The following GRIA1 variants were observed in gnomAD, a reference collection of about 807,000 sequenced individuals.
GRIA1 encodes the protein glutamate receptor 1.
Under a neutral mutation model 99.2 loss-of-function variants are expected in GRIA1, and 31 were observed. That is an observed-to-expected ratio of 0.31 (90% CI 0.23 to 0.42). The LOEUF is 0.42. GRIA1 is among the 10% of genes least tolerant of loss of function. The pLI is 1.00. For missense variants in GRIA1, 782 were observed against 1,157.5 expected, an observed-to-expected ratio of 0.68 and a Z score of 4.71; for synonymous variants, 438 against 432.4, an observed-to-expected ratio of 1.01 and a Z score of -0.16.
At chr5:153,690,249 G>A (rs2149502042) in intron 8 of GRIA1, among the ~76,000 whole-genome samples, 1 of 150,694 alleles carries the variant, frequency 6.6e-6, no homozygotes, top group South Asian at 2.1e-4. Flanking sequence ...GAAGTAAAAG[G>A]AATACAAATA....
At chr5:153,596,496 C>T (rs896797133) in intron 2 of GRIA1, among the ~76,000 whole-genome samples, 2 of 152,140 alleles carry the variant, frequency 1.3e-5, no homozygotes, top group African/African-American at 4.8e-5. Flanking sequence ...ACATAGAGCT[C>T]CATTTTGCAG....
At chr5:153,768,447 C>A (rs1334041244) in intron 12 of GRIA1, among the ~76,000 whole-genome samples, 1 of 152,146 alleles carries the variant, frequency 6.6e-6, no homozygotes, top group Admixed American at 6.5e-5. Flanking sequence ...AGACTGATAT[C>A]CAGGGCTCCT....
chr5:153,594,804 C>T (rs745885797), intron 2 of GRIA1, among the ~76,000 whole-genome samples: 6 of 151,754 alleles, frequency 4.0e-5, no homozygotes, highest in Non-Finnish European at 8.8e-5. Flanking sequence ...AGTCCACCCC[C>T]AGTCTTCTGC....
chr5:153,611,795 G>T (rs1766011185), intron 2 of GRIA1, among the ~76,000 whole-genome samples: 1 of 152,198 alleles, frequency 6.6e-6, no homozygotes, highest in South Asian at 2.1e-4. Context: ...TTCAGCCAAA[G>T]CTACGTGAGC....
intron 11 of GRIA1, among the ~76,000 whole-genome samples, chr5:153,727,554 C>G (rs1389928600): frequency 4.6e-5 from 7 of 152,164 alleles, no homozygotes; most frequent in Non-Finnish European, 1.0e-4. Context: ...GATACAAAAT[C>G]AATGTACAAA....
intron 2 of GRIA1, among the ~76,000 whole-genome samples, chr5:153,538,392 T>C (rs1321646635): frequency 6.6e-6 from 1 of 152,124 alleles, no homozygotes; most frequent in Non-Finnish European, 1.5e-5. Flanking sequence ...AAGGAAGCAA[T>C]GTGAAACAAA....
At position 153,705,693 on chromosome 5, in the gene GRIA1, T is replaced by TTTTTC. The variant is rs1554116390; in HGVS notation, c.1453-4_1453-3insTTTTC. The TTTTTC allele has an allele frequency of 3.8e-5, 42 of 1,101,474 alleles. 3 individuals carry two copies. In the Admixed American group the frequency reaches 4.4e-4, roughly 12 times the overall value. The allele number at this position is 1,101,474 out of a possible 1,614,324, so 68.2% of individuals were successfully genotyped here. On this transcript the variant is annotated splice_polypyrimidine_tract_variant and splice_region_variant and intron_variant, in intron 10 of 15. Coordinates refer to ENST00000285900, the MANE Select transcript of GRIA1 (RefSeq NM_000827.4). ...TTTTTTTTTTTTTTTTTTTTTTTTTTCAGAGAGCAGATGTGGCTGTGGCTC... is the reference window on the plus strand; with the variant it reads ...TTTTTTTTTTTTTTTTTTTTTTTTTTTTTTCCAGAGAGCAGATGTGGCTGTGGCTC...
chr5:153,563,152 G>T (rs966456571), intron 2 of GRIA1, among the ~76,000 whole-genome samples: 5 of 151,126 alleles, frequency 3.3e-5, no homozygotes, highest in Non-Finnish European at 5.9e-5. Flanking sequence ...CCCCAGATTG[G>T]CGACAGAGCG....
At chr5:153,598,304 G>C (rs78509251) in intron 2 of GRIA1, among the ~76,000 whole-genome samples, 1,742 of 152,094 alleles carry the variant, frequency 0.011, 33 homozygotes, top group African/African-American at 0.04. Context: ...ATTTGATTCT[G>C]ATGGTTTCAG....
At chr5:153,754,114 A>G (rs1411304876) in intron 11 of GRIA1, among the ~76,000 whole-genome samples, 1 of 152,176 alleles carries the variant, frequency 6.6e-6, no homozygotes, top group Non-Finnish European at 1.5e-5. Flanking sequence ...TGGTCAGTGA[A>G]AGAGAAAAGG....
intron 2 of GRIA1, among the ~76,000 whole-genome samples, chr5:153,592,433 T>C (rs1764053513): frequency 6.6e-6 from 1 of 152,254 alleles, no homozygotes; most frequent in Admixed American, 6.5e-5. Flanking sequence ...TTTGAGCATA[T>C]CACTTTATCT....
At chr5:153,576,982 A>G (rs865783103) in intron 2 of GRIA1, among the ~76,000 whole-genome samples, 74 of 88,750 alleles carry the variant, frequency 8.3e-4, no homozygotes, top group Admixed American at 2.0e-3. Flanking sequence ...GGATGGATGG[A>G]TGGGTGAGTG....
chr5:153,719,589 C>G lies in GRIA1; in HGVS notation c.1823+13522C>G, dbSNP rs113576140. ...CAGCACGATGGCTGGGTTCCAAGAACAAGTGTCCCAAAAAGAAGCAGGCAG... is the reference window on the plus strand; with the variant it reads ...CAGCACGATGGCTGGGTTCCAAGAAGAAGTGTCCCAAAAAGAAGCAGGCAG... On this transcript the variant is annotated intron_variant, in intron 11 of 15. Transcript: ENST00000285900. 6.4e-3 allele frequency among the ~76,000 whole-genome samples: 973 copies of G among 152,072 alleles called. 12 individuals are homozygous for G. The highest frequency in any genetic ancestry group is 0.022 in the African/African-American group (930 of 41,478).
At chr5:153,749,734 A>G (rs76002405) in intron 11 of GRIA1, among the ~76,000 whole-genome samples, 3,506 of 152,156 alleles carry the variant, frequency 0.023, 123 homozygotes, top group African/African-American at 0.078. Context: ...AAACATCCAA[A>G]CTATATCAGA....
rs774584155 is a variant in GRIA1 at position 153,677,118 on chromosome 5, T to C, written c.986T>C (p.Val329Ala). 28 of 1,569,350 alleles carry C rather than the reference T, an allele frequency of 1.8e-5. No individual in the cohort carries two copies. The highest frequency in any genetic ancestry group is 2.3e-5 in the Non-Finnish European group (27 of 1,152,926). Residue 329 changes from valine to alanine, a missense_variant, in exon 7 of 16, where the codon GTT becomes GCT. Val to Ala is a moderately conservative substitution (Grantham distance 64). Around this residue, in one of 5 missense-constraint regions of GRIA1, gnomAD observed 461 missense variants for 521.7 expected, o/e 0.88. Coordinates refer to ENST00000285900, the MANE Select transcript of GRIA1 (RefSeq NM_000827.4). ...NAGDCLANPA[V>A]PWGQGIDIQR... ...GGGGATTGTCTGGCTAACCCAGCTG[T>C]TCCCTGGGGCCAAGGGATCGACATC...
At chr5:153,746,197 G>A (rs974039480) in intron 11 of GRIA1, among the ~76,000 whole-genome samples, 2 of 152,136 alleles carry the variant, frequency 1.3e-5, no homozygotes, top group Admixed American at 6.6e-5. Flanking sequence ...GAATTGGCTG[G>A]GGAGTTTCTG....
intron 11 of GRIA1, among the ~76,000 whole-genome samples, chr5:153,749,550 A>G (rs1038444410): frequency 2.0e-5 from 3 of 152,154 alleles, no homozygotes; most frequent in African/African-American, 7.2e-5. Flanking sequence ...GGAAGATGCC[A>G]GGCTCTTTTT....
intron 2 of GRIA1, among the ~76,000 whole-genome samples, chr5:153,495,354 G>T (rs1754311033): frequency 6.6e-6 from 1 of 152,110 alleles, no homozygotes; most frequent in South Asian, 2.1e-4. Context: ...CTTCCTTTTA[G>T]AGATGAGAAA....
At chr5:153,704,970 A>C (rs1758787841) in intron 10 of GRIA1, among the ~76,000 whole-genome samples, 1 of 152,222 alleles carries the variant, frequency 6.6e-6, no homozygotes, top group African/African-American at 2.4e-5. Flanking sequence ...TGTTCAATAA[A>C]TATCTATTGA....
Sources: allele counts gnomAD v4.1 joint callset (sites outside exome capture counted in the v4.1 genomes callset), GRCh38; gene constraint gnomAD v4.1.1; regional missense constraint gnomAD v4.1.1; transcripts MANE v1.5; gene names NCBI Gene and HGNC (gene_info 2026-07-23, HGNC 2026-07-21).